WASHC5: variants seen among roughly 807,000 people sequenced by gnomAD.
The protein encoded by WASHC5 is WASH complex subunit strumpellin.
WASHC5 carries 101 observed loss-of-function variants against 150.4 expected under a neutral mutation model. The observed-to-expected ratio is 0.67, with a 90% confidence interval of 0.57 to 0.79. WASHC5 has a LOEUF of 0.79. WASHC5 is among the 30% of genes least tolerant of loss of function. The pLI, the probability that WASHC5 is intolerant of heterozygous loss-of-function variation, is 0.00. For missense variants in WASHC5, 1,195 were observed against 1,396.3 expected, an observed-to-expected ratio of 0.86 and a Z score of 2.30; for synonymous variants, 467 against 491.2, an observed-to-expected ratio of 0.95 and a Z score of 0.65.
chr8:125,042,358 C>T (rs529105991), intron 23 of WASHC5, among the ~76,000 whole-genome samples: 47 of 152,162 alleles, frequency 3.1e-4, no homozygotes, highest in Non-Finnish European at 6.5e-4. Flanking sequence ...AGCTCAATAG[C>T]TACACAGGGC....
chr8:125,089,510 A>C (rs1817531607), intron 1 of WASHC5, among the ~76,000 whole-genome samples: 1 of 152,216 alleles, frequency 6.6e-6, no homozygotes, highest in Non-Finnish European at 1.5e-5. Flanking sequence ...CAGGCTACAC[A>C]AGCTTGCTCT....
chr8:125,084,592 A>G (rs74822923), intron 1 of WASHC5, among the ~76,000 whole-genome samples: 19,763 of 152,260 alleles, frequency 0.13, 3,127 homozygotes, highest in African/African-American at 0.38. Flanking sequence ...GCACTTAGGT[A>G]TCTAGCACTG....
At chr8:125,024,774 T>C in intron 28 of WASHC5, 101 bp from the exon 29 acceptor site, 1 of 820,262 alleles carries the variant, frequency 1.2e-6, no homozygotes, top group East Asian at 2.6e-5. Context: ...AGGTGAATAA[T>C]AGAAGAGGAG....
chr8:125,063,791 T>C (rs1816670917), intron 10 of WASHC5, 140 bp from the exon 11 acceptor site: 1 of 750,998 alleles, frequency 1.3e-6, no homozygotes, highest in Admixed American at 2.3e-5. Context: ...TGATGTCATC[T>C]CCTCAGGCAC....
chr8:125,057,761 G>A (rs2130090474), intron 14 of WASHC5, 95 bp from the exon 15 acceptor site: 2 of 803,092 alleles, frequency 2.5e-6, no homozygotes, highest in East Asian at 5.6e-5. Flanking sequence ...AAACATTTGG[G>A]TTTTACCCAA....
intron 27 of WASHC5, among the ~76,000 whole-genome samples, chr8:125,031,802 T>C (rs1563607664): frequency 2.6e-5 from 4 of 152,114 alleles, no homozygotes; most frequent in South Asian, 4.1e-4. Flanking sequence ...TCTTGTGAAA[T>C]TTGCTTCTCT....
chr8:125,064,264 G>T (rs1816685337), intron 10 of WASHC5, among the ~76,000 whole-genome samples: 1 of 152,048 alleles, frequency 6.6e-6, no homozygotes, highest in East Asian at 1.9e-4. Flanking sequence ...GTGCAGTGGG[G>T]TGATCATGGC....
At chr8:125,081,620 G>C (rs550895805) in intron 5 of WASHC5, 41 bp downstream of exon 5, 9 of 1,116,696 alleles carry the variant, frequency 8.1e-6, no homozygotes, top group Non-Finnish European at 1.2e-5. Flanking sequence ...GCATTTTACC[G>C]ACAGCAGCGT....
At chr8:125,032,140 T>C in intron 27 of WASHC5, 101 bp downstream of exon 27, 4 of 1,346,918 alleles carry the variant, frequency 3.0e-6, no homozygotes, top group Non-Finnish European at 4.2e-6. Context: ...GAGCAACCAT[T>C]TCCCATCTCT....
intron 1 of WASHC5, among the ~76,000 whole-genome samples, chr8:125,087,945 A>G (rs7018283): frequency 0.51 from 78,283 of 152,040 alleles, 24,302 homozygotes; most frequent in African/African-American, 0.88. Flanking sequence ...TGAAGAAAAA[A>G]CATAATAAAG....
chr8:125,047,173 T>C (rs770221834), intron 20 of WASHC5, 34 bp downstream of exon 20: 11 of 1,613,090 alleles, frequency 6.8e-6, no homozygotes, highest in Non-Finnish European at 9.3e-6. Flanking sequence ...CTGCCTGCAG[T>C]ATTCAGGGCT....
chr8:125,056,946 C>T, intron 15 of WASHC5, 129 bp from the exon 16 acceptor site: 1 of 1,034,928 alleles, frequency 9.7e-7, no homozygotes, highest in Non-Finnish European at 1.5e-6. Context: ...GTTTTAATAA[C>T]TGCTGGCAGG....
chr8:125,045,493 T>C lies in WASHC5; in HGVS notation c.2505-795A>G, dbSNP rs1461838340. Reference sequence around the variant, plus strand: ...CCCTGAGTCCCTGGTAGAGCTTGTCTGAAATACAGATGCCCAGCTTCCATT... The same window carrying C: ...CCCTGAGTCCCTGGTAGAGCTTGTCCGAAATACAGATGCCCAGCTTCCATT... On this transcript the variant is annotated intron_variant, in intron 20 of 28. Transcript: ENST00000318410. Among the ~76,000 whole-genome samples the C allele has an allele frequency of 2.6e-5, 4 of 152,352 alleles. No homozygotes were observed. In the East Asian group the frequency reaches 7.7e-4, roughly 29 times the overall value.
chr8:125,027,998 T>C (rs1815419618), intron 28 of WASHC5, among the ~76,000 whole-genome samples: 2 of 152,224 alleles, frequency 1.3e-5, no homozygotes. Flanking sequence ...TAAAAGTTCA[T>C]CTTTGGCTCA....
intron 10 of WASHC5, among the ~76,000 whole-genome samples, chr8:125,067,343 A>G (rs912042472): frequency 1.3e-5 from 2 of 152,078 alleles, no homozygotes; most frequent in African/African-American, 4.8e-5. Context: ...ATTAATGTCT[A>G]TATTCCCCAT....
intron 27 of WASHC5, 102 bp from the exon 28 acceptor site, chr8:125,028,809 A>G: frequency 1.3e-6 from 1 of 794,278 alleles, no homozygotes; most frequent in Non-Finnish European, 2.2e-6. Context: ...TACCTAATGA[A>G]GTCAAAGATG....
chr8:125,081,123 C>A (rs1817245493), intron 5 of WASHC5, among the ~76,000 whole-genome samples: 1 of 151,228 alleles, frequency 6.6e-6, no homozygotes, highest in South Asian at 2.1e-4. Flanking sequence ...TTCTAATAAT[C>A]TATAATATAT....
chr8:125,032,195 G>A lies in WASHC5; in HGVS notation c.3335+46C>T, dbSNP rs17398660. On this transcript the variant is annotated intron_variant, in intron 27 of 28. Transcript: ENST00000318410. ...TTTGGTAATGTGAGGTTTAAGTTAG[G>A]TTTTGTGACAAGAAGTCCCACGTAG... 126,641 of 1,606,922 alleles carry A rather than the reference G, an allele frequency of 0.079. 5,815 individuals carry two copies. Among genetic ancestry groups the A allele is most frequent in the Non-Finnish European group, 0.09 (105,445 of 1,173,730 alleles).
chr8:125,073,429 T>G, intron 8 of WASHC5, 105 bp from the exon 9 acceptor site: 1 of 948,596 alleles, frequency 1.1e-6, no homozygotes, highest in Non-Finnish European at 1.7e-6. Context: ...CTATATAGGA[T>G]GAATGACATA....
Sources: gnomAD v4.1 joint callset for allele counts (sites outside exome capture counted in the v4.1 genomes callset) on GRCh38, gnomAD v4.1.1 for gene constraint, MANE v1.5 for transcripts, NCBI Gene and HGNC (gene_info 2026-07-23, HGNC 2026-07-21) for gene names.